The following CDH23 variants were observed in gnomAD, a reference collection of about 807,000 sequenced individuals.
CDH23 encodes the protein cadherin related 23.
In CDH23, 189 loss-of-function variants were observed where a neutral mutation model predicts 317.1. That is an observed-to-expected ratio of 0.60 (90% CI 0.53 to 0.67). The LOEUF (loss-of-function observed/expected upper bound fraction) is 0.67. Among genes scored for constraint, CDH23 ranks in the 30% least tolerant of loss-of-function variants. CDH23 has a pLI of 0.00. For synonymous variants in CDH23, 1,839 were observed against 1,876.8 expected, an observed-to-expected ratio of 0.98 and a Z score of 0.52; for missense variants, 4,401 against 4,592.4, an observed-to-expected ratio of 0.96 and a Z score of 1.20.
intron 6 of CDH23, among the ~76,000 whole-genome samples, chr10:71,531,882 G>A (rs1302399543): frequency 6.6e-6 from 1 of 152,140 alleles, no homozygotes. Flanking sequence ...CCAAAGAGGG[G>A]AACAACAGTG....
chr10:71,616,159 G>A (rs1004518619), intron 10 of CDH23, among the ~76,000 whole-genome samples: 1 of 152,254 alleles, frequency 6.6e-6, no homozygotes, highest in African/African-American at 2.4e-5. Flanking sequence ...ATTCAAATCA[G>A]TGACTTGCAG....
At chr10:71,526,090 G>T (rs972997385) in intron 6 of CDH23, among the ~76,000 whole-genome samples, 8 of 152,250 alleles carry the variant, frequency 5.3e-5, no homozygotes, top group African/African-American at 1.9e-4. Flanking sequence ...TCGGCCCTCT[G>T]CATCGCTGAG....
At chr10:71,662,511 C>T (rs949406037) in intron 14 of CDH23, among the ~76,000 whole-genome samples, 3 of 152,144 alleles carry the variant, frequency 2.0e-5, no homozygotes, top group African/African-American at 7.2e-5. Flanking sequence ...AAGATGCTGT[C>T]ATGGTAGGAG....
At chr10:71,607,509 T>C (rs528108278) in intron 9 of CDH23, among the ~76,000 whole-genome samples, 66 of 152,116 alleles carry the variant, frequency 4.3e-4, no homozygotes, top group Non-Finnish European at 8.2e-4. Flanking sequence ...CAGCACAAGG[T>C]CAGAACTCAA....
At chr10:71,428,845 C>T (rs927906427) in intron 1 of CDH23, among the ~76,000 whole-genome samples, 4 of 152,116 alleles carry the variant, frequency 2.6e-5, no homozygotes, top group Non-Finnish European at 4.4e-5. Context: ...CTGCCTTGGC[C>T]TCCCAAAGTG....
chr10:71,552,281 C>G (rs1399824396), intron 6 of CDH23, among the ~76,000 whole-genome samples: 1 of 152,154 alleles, frequency 6.6e-6, no homozygotes, highest in African/African-American at 2.4e-5. Context: ...TCCTCCCATC[C>G]TTTCCAGCTA....
At chr10:71,739,575 C>G in intron 35 of CDH23, 69 bp from the exon 36 acceptor site, 1 of 1,559,332 alleles carries the variant, frequency 6.4e-7, no homozygotes, top group South Asian at 1.2e-5. Flanking sequence ...ACCAGGGAGT[C>G]CCCCTTGGCT....
chr10:71,729,196 G>T (rs907061997), intron 30 of CDH23, among the ~76,000 whole-genome samples: 5 of 152,342 alleles, frequency 3.3e-5, no homozygotes, highest in African/African-American at 1.2e-4. Context: ...TTCATAAAGA[G>T]AACTTAGTGC....
intron 27 of CDH23, chr10:71,711,604 C>A (rs1865973182): frequency 6.6e-6 from 1 of 152,126 alleles, no homozygotes; most frequent in East Asian, 1.9e-4. Context: ...TCTCCGGGGA[C>A]CTTAAGCTTA....
At chr10:71,679,591 C>A in intron 17 of CDH23, 99 bp downstream of exon 17, 1 of 933,394 alleles carries the variant, frequency 1.1e-6, no homozygotes, top group Non-Finnish European at 1.7e-6. Flanking sequence ...CACTCCTTGT[C>A]TCCCTGACAC....
chr10:71,799,212 A>T lies in CDH23; in HGVS notation c.7156A>T (p.Ile2386Phe). The stretch of plus-strand genomic sequence containing the variant: ...CGGGTCCCCGCCCCGGGCAGCTGAG[A>T]TCCCTGTCTACCTGGAAATCGTGGA... Reference protein sequence around the residue: ...DNGSPPRAAEIPVYLEIVDIN... With the variant: ...DNGSPPRAAEFPVYLEIVDIN... Residue 2386 changes from isoleucine (I) to phenylalanine (F), a missense_variant, in exon 51 of 70, where the codon ATC becomes TTC. By Grantham distance (21) the Ile-to-Phe change is conservative. Around this residue, in one of 3 missense-constraint regions of CDH23, gnomAD observed 189 missense variants for 250.9 expected, o/e 0.75. Coordinates refer to ENST00000224721, the MANE Select transcript of CDH23 (RefSeq NM_022124.6). 6.2e-7 allele frequency: 1 copy of T among 1,614,026 alleles called. No individual in the cohort carries two copies. Among genetic ancestry groups the T allele is most frequent in the Non-Finnish European group, 8.5e-7 (1 of 1,179,878 alleles).
chr10:71,787,288 G>T (rs1161458012), intron 44 of CDH23, among the ~76,000 whole-genome samples: 1 of 151,126 alleles, frequency 6.6e-6, no homozygotes, highest in Non-Finnish European at 1.5e-5. Flanking sequence ...TTCAACCCAG[G>T]TCTTTGAACC....
chr10:71,796,614 G>A (rs539986175), intron 48 of CDH23, among the ~76,000 whole-genome samples: 19 of 152,280 alleles, frequency 1.2e-4, no homozygotes, highest in African/African-American at 1.7e-4. Context: ...TACACATAAC[G>A]AAATTTACCA....
chr10:71,592,563 TC>T (rs1453176752), intron 9 of CDH23, among the ~76,000 whole-genome samples: 2 of 152,158 alleles, frequency 1.3e-5, no homozygotes, highest in African/African-American at 4.8e-5. Flanking sequence ...GATCCCCTCT[TC>T]CCTGGTCCCA....
At chr10:71,497,187 GGCCTGCAGT>G (rs1853023255) in intron 3 of CDH23, among the ~76,000 whole-genome samples, 1 of 152,144 alleles carries the variant, frequency 6.6e-6, no homozygotes, top group African/African-American at 2.4e-5. Context: ...AGCCTTTAAT[GGCCTGCAGT>G]GCTCTGTTTA....
chr10:71,421,154 G>A (rs930687328), intron 1 of CDH23, among the ~76,000 whole-genome samples: 3 of 152,238 alleles, frequency 2.0e-5, no homozygotes, highest in African/African-American at 7.2e-5. Flanking sequence ...GATGAAGCCT[G>A]TGATCCCCTC....
chr10:71,587,134 G>C (rs140963161), intron 9 of CDH23, among the ~76,000 whole-genome samples: 1,772 of 152,364 alleles, frequency 0.012, 38 homozygotes, highest in African/African-American at 0.04. Flanking sequence ...GACGCAAAGA[G>C]CTCATGAAAC....
chr10:71,532,700 C>CT (rs1855446648), intron 6 of CDH23, among the ~76,000 whole-genome samples: 1 of 131,544 alleles, frequency 7.6e-6, no homozygotes, highest in African/African-American at 2.7e-5. Flanking sequence ...GGCAAGTTTT[C>CT]TTTTGTTTTT....
At chr10:71,709,769 T>C (rs927146876) in intron 27 of CDH23, among the ~76,000 whole-genome samples, 2 of 152,098 alleles carry the variant, frequency 1.3e-5, no homozygotes, top group Admixed American at 1.3e-4. Context: ...GTTGATGTAT[T>C]AGTCTGTTTT....
Sources: allele counts gnomAD v4.1 joint callset (sites outside exome capture counted in the v4.1 genomes callset), GRCh38; gene constraint gnomAD v4.1.1; regional missense constraint gnomAD v4.1.1; transcripts MANE v1.5; gene names NCBI Gene and HGNC (gene_info 2026-07-23, HGNC 2026-07-21).